The following BDP1 variants were observed in gnomAD, a reference collection of about 807,000 sequenced individuals.
BDP1 encodes the protein transcription factor TFIIIB component B'' homolog.
A neutral mutation model predicts 266.6 loss-of-function variants in BDP1; 169 were observed. The ratio of observed to expected loss-of-function variants is 0.63; its 90% CI spans 0.56 to 0.72. BDP1 has a LOEUF of 0.72. Among genes scored for constraint, BDP1 ranks in the 30% least tolerant of loss-of-function variants. The pLI, the probability that BDP1 is intolerant of heterozygous loss-of-function variation, is 0.00. For synonymous variants in BDP1, 1,090 were observed against 1,022.4 expected (o/e 1.07, Z -1.26); for missense variants, 3,015 against 3,053.8 (o/e 0.99, Z 0.30).
At chr5:71,508,513 C>T (rs1192301149) in intron 16 of BDP1, among the ~76,000 whole-genome samples, 1 of 150,126 alleles carries the variant, frequency 6.7e-6, no homozygotes, top group Non-Finnish European at 1.5e-5. Flanking sequence ...ACCAAAAACT[C>T]ATGGGCTCAA....
chr5:71,465,762 T>C (rs987559760), intron 4 of BDP1, among the ~76,000 whole-genome samples: 5 of 152,078 alleles, frequency 3.3e-5, no homozygotes, highest in Admixed American at 6.6e-5. Flanking sequence ...GCGCCTGTAA[T>C]CCCAGCTACT....
At chr5:71,548,831 G>C in intron 33 of BDP1, 86 bp downstream of exon 33, 1 of 998,552 alleles carries the variant, frequency 1.0e-6, no homozygotes, top group Non-Finnish European at 1.5e-6. Context: ...ACATAAAACA[G>C]TTGTATTTTA....
At chr5:71,534,242 T>C (rs1290452174) in intron 26 of BDP1, among the ~76,000 whole-genome samples, 2 of 152,206 alleles carry the variant, frequency 1.3e-5, no homozygotes, top group Non-Finnish European at 2.9e-5. Context: ...CTTTGATCCA[T>C]TTTGAGTTTA....
intron 35 of BDP1, among the ~76,000 whole-genome samples, chr5:71,555,638 C>G (rs1448287660): frequency 1.3e-5 from 2 of 152,044 alleles, no homozygotes; most frequent in African/African-American, 4.8e-5. Context: ...GGGGTTTCTC[C>G]ATGTTGGTTA....
intron 25 of BDP1, among the ~76,000 whole-genome samples, chr5:71,525,413 C>T (rs1241397362): frequency 6.5e-5 from 9 of 138,652 alleles, no homozygotes; most frequent in African/African-American, 1.9e-4. Context: ...ACCTCCCTCC[C>T]GGACGGGGCG....
At chr5:71,572,263 A>G (rs1372120410), downstream of BDP1, among the ~76,000 whole-genome samples, 1 of 152,070 alleles carries the variant, frequency 6.6e-6, no homozygotes, top group African/African-American at 2.4e-5. Context: ...TCTTCCAAAC[A>G]TATTCTTTTG....
At chr5:71,561,088 G>T (rs150067859) in intron 37 of BDP1, among the ~76,000 whole-genome samples, 1 of 144,128 alleles carries the variant, frequency 6.9e-6, no homozygotes, top group Non-Finnish European at 1.5e-5. Context: ...GGGCAACATA[G>T]CCAGACCCGT....
At chr5:71,506,497 C>T (rs1764583283) in intron 16 of BDP1, among the ~76,000 whole-genome samples, 1 of 151,978 alleles carries the variant, frequency 6.6e-6, no homozygotes, top group Non-Finnish European at 1.5e-5. Flanking sequence ...ATTCTTTAGG[C>T]TGGGCATGGT....
In BDP1 at chr5:71,548,739, C is replaced by A; in HGVS notation, c.6802C>A (p.Leu2268Ile). ...QQENIINPQD[L>I]TVNLVANVPQ... ...AGAGAATATAATCAATCCTCAAGAC[C>A]TAACAGGTATGATAATATGCTTCAG... The change falls in exon 33 of 39, where the codon CTA (leucine) becomes ATA (isoleucine). Residue 2268 changes from leucine to isoleucine, a missense_variant. Physicochemically the swap from Leu to Ile is conservative, Grantham distance 5 (BLOSUM62 2). Transcript: ENST00000358731. 1 of 1,595,022 alleles carries A rather than the reference C, an allele frequency of 6.3e-7. No individual in the cohort carries two copies. The highest frequency in any genetic ancestry group is 8.6e-7 in the Non-Finnish European group (1 of 1,163,318).
intron 3 of BDP1, among the ~76,000 whole-genome samples, chr5:71,463,829 T>A (rs1761718069): frequency 1.4e-5 from 2 of 144,438 alleles, no homozygotes; most frequent in Non-Finnish European, 1.5e-5. Context: ...GTTGTTGTAT[T>A]AAAAAAAAAA....
rs761000847 is a variant in BDP1, at chr5:71,515,067, A to G, written c.4594A>G (p.Lys1532Glu). 1.2e-5 allele frequency: 20 copies of G among 1,613,040 alleles called. No homozygotes were observed. The highest frequency in any genetic ancestry group is 1.6e-5 in the Non-Finnish European group (19 of 1,179,632). Residue 1532 changes from lysine to glutamate, a missense_variant, in exon 20 of 39, where the codon AAA (lysine) becomes GAA (glutamate). By Grantham distance (56) the Lys-to-Glu change is moderately conservative. Transcript: ENST00000358731. ...NLSPSNSCEP[K>E]EESQSAPVQK... The stretch of plus-strand genomic sequence containing the variant: ...TTCACCTTCAAATTCTTGTGAACCT[A>G]AAGAGGAGTCTCAGTCAGCACCAGT...
Position 71,514,868 on chromosome 5 carries a change from T to C in BDP1, c.4471-76T>C, listed in dbSNP as rs142096493. On this transcript the variant is annotated intron_variant, in intron 19 of 38. Coordinates refer to ENST00000358731, the MANE Select transcript of BDP1 (RefSeq NM_018429.3). ...CCTATTATTCTTCACGAAGATGATA[T>C]CAGTTTATACTTGTAAAGTTCTTAT... The C allele has an allele frequency of 5.6e-4, 559 of 992,258 alleles. 1 individual carries two copies. In the African/African-American group the frequency reaches 8.5e-3, roughly 15 times the overall value. 61.5% of individuals were successfully genotyped at this position (992,258 alleles called of 1,614,324 possible).
chr5:71,488,238 ACCT>A (rs1157609861), intron 9 of BDP1, among the ~76,000 whole-genome samples: 1 of 150,516 alleles, frequency 6.6e-6, no homozygotes, highest in African/African-American at 2.4e-5. Context: ...CAGTTCTTTC[ACCT>A]CAGCCTCCTG....
Position 71,544,922 on chromosome 5 carries a change from A to G in BDP1, c.6564-117A>G, listed in dbSNP as rs2150571639. ...AAAAAAAAAAGTCCTATTGCATTAA[A>G]TATGTTTTAAAAGTTTGAAAACCAT... On this transcript the variant is annotated intron_variant, in intron 31 of 38. Coordinates refer to ENST00000358731, the MANE Select transcript of BDP1 (RefSeq NM_018429.3). 13 of 809,164 alleles carry G rather than the reference A, an allele frequency of 1.6e-5. No individual in the cohort carries two copies. The South Asian group carries it at 1.9e-4, about 12-fold the overall frequency. The allele number at this position is 809,164 out of a possible 1,614,324, so 50.1% of individuals were successfully genotyped here. A position where few individuals can be genotyped will look rare whatever the true frequency, so the allele number is the denominator to read the frequency against.
intron 25 of BDP1, among the ~76,000 whole-genome samples, chr5:71,531,181 G>T (rs1766221451): frequency 6.6e-6 from 1 of 152,112 alleles, no homozygotes. Context: ...CTGTTAATAA[G>T]AGAATAGGCC....
chr5:71,466,330 C>A, intron 5 of BDP1, 109 bp downstream of exon 5: 2 of 1,168,120 alleles, frequency 1.7e-6, no homozygotes, highest in East Asian at 2.4e-5. Context: ...TAGACCTTGA[C>A]GTTCTTATTT....
chr5:71,541,691 T>C lies in BDP1; in HGVS notation c.6251+9T>C. On this transcript the variant is annotated intron_variant, in intron 29 of 38. Transcript: ENST00000358731. The stretch of plus-strand genomic sequence containing the variant: ...AATGCTACACCAACCAGGTTTATTT[T>C]AGTATTCAATTAATAAATATTACTA... 1.3e-5 allele frequency: 19 copies of C among 1,480,546 alleles called. No homozygotes were observed. The highest frequency in any genetic ancestry group is 1.7e-5 in the Non-Finnish European group (19 of 1,090,694). 91.7% of individuals were successfully genotyped at this position (1,480,546 alleles called of 1,614,324 possible).
At chr5:71,540,634 C>T (rs1446240691) in intron 28 of BDP1, among the ~76,000 whole-genome samples, 2 of 152,018 alleles carry the variant, frequency 1.3e-5, no homozygotes, top group African/African-American at 4.8e-5. Context: ...AGCTTCCATT[C>T]ATTTTAAGTA....
chr5:71,556,935 A>G lies in BDP1; in HGVS notation c.7240+10A>G. 7.0e-7 allele frequency: 1 copy of G among 1,420,926 alleles called. No individual in the cohort carries two copies. The allele number at this position is 1,420,926 out of a possible 1,614,324, so 88.0% of individuals were successfully genotyped here. On this transcript the variant is annotated intron_variant, in intron 36 of 38. Transcript: ENST00000358731. The stretch of plus-strand genomic sequence containing the variant: ...GTTTTTGAGGAAACAGGTAAGTGAA[A>G]TACATTTTAACATGATTGCATTTTG...
Sources: allele counts gnomAD v4.1 joint callset (sites outside exome capture counted in the v4.1 genomes callset), GRCh38; gene constraint gnomAD v4.1.1; transcripts MANE v1.5; gene names NCBI Gene and HGNC (gene_info 2026-07-23, HGNC 2026-07-21).